Variants in CADM1 observed in about 807,000 individuals in gnomAD.
The protein encoded by CADM1 is cell adhesion molecule 1.
In CADM1, 15 loss-of-function variants were observed where a neutral mutation model predicts 53.1. The observed-to-expected ratio is 0.28, with a 90% CI of 0.19 to 0.44. The LOEUF is 0.44. Among genes scored for constraint, CADM1 ranks in the 20% least tolerant of loss-of-function variants. The pLI, the probability that CADM1 is intolerant of heterozygous loss-of-function variation, is 1.00. For missense variants in CADM1, 434 were observed against 611.3 expected (o/e 0.71, Z 3.06); for synonymous variants, 281 against 243.0 (o/e 1.16, Z -1.45).
At chr11:115,350,369 G>T (rs1230938441) in intron 1 of CADM1, among the ~76,000 whole-genome samples, 1 of 152,212 alleles carries the variant, frequency 6.6e-6, no homozygotes, top group Non-Finnish European at 1.5e-5. Context: ...ATGTGAAAAT[G>T]GTTCAGTGGA....
chr11:115,281,789 G>A (rs937218772), intron 1 of CADM1, among the ~76,000 whole-genome samples: 2 of 151,786 alleles, frequency 1.3e-5, no homozygotes, highest in African/African-American at 2.4e-5. Context: ...TAAATAAAAA[G>A]AATGTACTTT....
chr11:115,459,071 CA>C (rs1246013323), intron 1 of CADM1, among the ~76,000 whole-genome samples: 1 of 152,134 alleles, frequency 6.6e-6, no homozygotes, highest in African/African-American at 2.4e-5. Context: ...AAAACAGGAA[CA>C]ATGCAATCTA....
intron 1 of CADM1, among the ~76,000 whole-genome samples, chr11:115,502,078 T>A (rs979927117): frequency 6.6e-6 from 1 of 152,162 alleles, no homozygotes; most frequent in African/African-American, 2.4e-5. Context: ...AATTTTCATG[T>A]AGCTTTGACA....
chr11:115,323,844 T>G (rs1278839929), intron 1 of CADM1, among the ~76,000 whole-genome samples: 1 of 151,454 alleles, frequency 6.6e-6, no homozygotes, highest in African/African-American at 2.4e-5. Context: ...ATTCATTATG[T>G]GGCAGTGGTT....
intron 1 of CADM1, among the ~76,000 whole-genome samples, chr11:115,299,383 G>A (rs1187413262): frequency 6.6e-6 from 1 of 152,010 alleles, no homozygotes; most frequent in East Asian, 1.9e-4. Context: ...AAATTTTTTT[G>A]TTTACCAGCA....
At chr11:115,303,675 A>G (rs1944292585) in intron 1 of CADM1, among the ~76,000 whole-genome samples, 1 of 152,012 alleles carries the variant, frequency 6.6e-6, no homozygotes, top group Admixed American at 6.6e-5. Flanking sequence ...TAGGAACTTG[A>G]CACCCCAAAT....
intron 1 of CADM1, among the ~76,000 whole-genome samples, chr11:115,347,032 A>G (rs1035362462): frequency 6.6e-6 from 1 of 152,200 alleles, no homozygotes; most frequent in African/African-American, 2.4e-5. Context: ...AAATAAGCAT[A>G]TAAACATATA....
intron 1 of CADM1, among the ~76,000 whole-genome samples, chr11:115,449,315 G>T (rs1229343048): frequency 6.6e-6 from 1 of 152,198 alleles, no homozygotes; most frequent in East Asian, 1.9e-4. Context: ...TTTTGCCAAT[G>T]AAAATAATGA....
At chr11:115,444,455 A>T (rs1017784700) in intron 1 of CADM1, among the ~76,000 whole-genome samples, 1 of 152,176 alleles carries the variant, frequency 6.6e-6, no homozygotes, top group Admixed American at 6.5e-5. Context: ...AAAGCTGATC[A>T]CTTGTGTTTT....
At chr11:115,474,954 C>T (rs921673978) in intron 1 of CADM1, among the ~76,000 whole-genome samples, 4 of 152,130 alleles carry the variant, frequency 2.6e-5, no homozygotes, top group African/African-American at 9.7e-5. Flanking sequence ...TTTAGAGAAA[C>T]TGGAATCCCT....
intron 11 of CADM1, 99 bp from the exon 12 acceptor site, chr11:115,176,691 TG>T: frequency 2.0e-6 from 2 of 993,296 alleles, no homozygotes; most frequent in Non-Finnish European, 1.6e-6. Flanking sequence ...TCAGCCGAAG[TG>T]GTGTGCAGGC....
intron 1 of CADM1, among the ~76,000 whole-genome samples, chr11:115,245,113 G>C (rs1425319975): frequency 6.6e-6 from 1 of 152,204 alleles, no homozygotes; most frequent in Non-Finnish European, 1.5e-5. Flanking sequence ...CATAGAGAAG[G>C]AGCACCAGCG....
chr11:115,315,000 G>A (rs115377896), intron 1 of CADM1, among the ~76,000 whole-genome samples: 5 of 152,260 alleles, frequency 3.3e-5, no homozygotes, highest in Non-Finnish European at 2.9e-5. Flanking sequence ...AATTGTGATC[G>A]GATTTGGAGT....
At chr11:115,345,351 A>C (rs777475864) in intron 1 of CADM1, among the ~76,000 whole-genome samples, 1 of 152,192 alleles carries the variant, frequency 6.6e-6, no homozygotes, top group Non-Finnish European at 1.5e-5. Context: ...TAAATTTAAC[A>C]TGATTTTCCT....
At chr11:115,383,688 C>T (rs1217069157) in intron 1 of CADM1, among the ~76,000 whole-genome samples, 1 of 152,110 alleles carries the variant, frequency 6.6e-6, no homozygotes, top group Non-Finnish European at 1.5e-5. Context: ...AGAAAATATG[C>T]ACAGTGCAAA....
intron 1 of CADM1, among the ~76,000 whole-genome samples, chr11:115,362,201 T>A (rs747577068): frequency 6.6e-6 from 1 of 152,306 alleles, no homozygotes; most frequent in Non-Finnish European, 1.5e-5. Context: ...GATGCCTACA[T>A]CTACAGAATA....
At chr11:115,213,355 G>A (rs1381757931) in intron 7 of CADM1, among the ~76,000 whole-genome samples, 1 of 152,208 alleles carries the variant, frequency 6.6e-6, no homozygotes, top group African/African-American at 2.4e-5. Context: ...ACTACTGGGA[G>A]AATTAATGTT....
At chr11:115,249,858 CCT>C (rs769330431) in intron 1 of CADM1, among the ~76,000 whole-genome samples, 8 of 152,146 alleles carry the variant, frequency 5.3e-5, no homozygotes, top group Non-Finnish European at 8.8e-5. Context: ...TCTCAATCCC[CCT>C]GAGTCGTAAG....
At chr11:115,333,612 T>C (rs999063720) in intron 1 of CADM1, 4 of 152,142 alleles carry the variant, frequency 2.6e-5, no homozygotes, top group African/African-American at 9.7e-5. Flanking sequence ...CCAACAACCT[T>C]ACTTAGGTAT....
Sources: allele counts gnomAD v4.1 joint callset (sites outside exome capture counted in the v4.1 genomes callset), GRCh38; gene constraint gnomAD v4.1.1; transcripts MANE v1.5; gene names NCBI Gene and HGNC (gene_info 2026-07-23, HGNC 2026-07-21).